CSMD1: variants seen among roughly 807,000 people sequenced by gnomAD.
The protein encoded by CSMD1 is CUB and sushi domain-containing protein 1.
In CSMD1, 213 loss-of-function variants were observed where a neutral mutation model predicts 417.5. The observed-to-expected ratio is 0.51, with a 90% CI of 0.46 to 0.57. The LOEUF (loss-of-function observed/expected upper bound fraction) is 0.57. Among genes scored for constraint, CSMD1 ranks in the 20% least tolerant of loss-of-function variants. The probability of loss-of-function intolerance (pLI) is 0.00; values close to 1 mark genes in which losing one functional copy is unlikely to be tolerated. For missense variants in CSMD1, 6,923 were observed against 4,529.7 expected (o/e 1.53, Z -15.17); for synonymous variants, 2,862 against 1,736.8 (o/e 1.65, Z -16.11).
chr8:3,344,967 G>A (rs115320599), intron 22 of CSMD1, among the ~76,000 whole-genome samples: 1,695 of 152,220 alleles, frequency 0.011, 40 homozygotes, highest in African/African-American at 0.039. Context: ...TTTATTAGAC[G>A]AGCCGGGGTC....
intron 4 of CSMD1, among the ~76,000 whole-genome samples, chr8:4,005,762 A>G (rs1816062414): frequency 6.6e-6 from 1 of 152,282 alleles, no homozygotes; most frequent in Admixed American, 6.5e-5. Context: ...GTATACAAGC[A>G]AACATTAACA....
chr8:3,249,771 A>G (rs1800136373), intron 26 of CSMD1, among the ~76,000 whole-genome samples: 1 of 152,052 alleles, frequency 6.6e-6, no homozygotes, highest in Non-Finnish European at 1.5e-5. Flanking sequence ...TTTAAATCTA[A>G]TCAATTTCCA....
intron 2 of CSMD1, among the ~76,000 whole-genome samples, chr8:4,632,627 A>G (rs1431007508): frequency 6.6e-6 from 1 of 152,158 alleles, no homozygotes; most frequent in African/African-American, 2.4e-5. Flanking sequence ...CTGAATGTAC[A>G]AAGATATACA....
intron 3 of CSMD1, among the ~76,000 whole-genome samples, chr8:4,313,507 GAAA>G (rs34466873): frequency 7.3e-6 from 1 of 136,798 alleles, no homozygotes; most frequent in Non-Finnish European, 1.5e-5. Context: ...ATGTCAAAAT[GAAA>G]AAAAAAAAAA....
chr8:4,439,366 T>C (rs1042998241), intron 2 of CSMD1, among the ~76,000 whole-genome samples: 1 of 152,192 alleles, frequency 6.6e-6, no homozygotes. Context: ...GAGATATTAC[T>C]ATACAACTTT....
intron 3 of CSMD1, among the ~76,000 whole-genome samples, chr8:4,174,376 G>A (rs114979761): frequency 1.3e-5 from 2 of 152,146 alleles, no homozygotes; most frequent in East Asian, 1.9e-4. Context: ...CAAGTCATTT[G>A]CGCAAGGCCT....
chr8:4,764,543 T>A (rs907982350), intron 1 of CSMD1, among the ~76,000 whole-genome samples: 1 of 152,126 alleles, frequency 6.6e-6, no homozygotes, highest in Non-Finnish European at 1.5e-5. Flanking sequence ...TCTGCCCAAA[T>A]TGGAAACCAG....
intron 10 of CSMD1, among the ~76,000 whole-genome samples, chr8:3,540,623 A>G (rs1188386565): frequency 6.6e-6 from 1 of 152,206 alleles, no homozygotes; most frequent in Non-Finnish European, 1.5e-5. Flanking sequence ...AAATTTTTGC[A>G]ATCTATCCAT....
chr8:4,794,800 G>A (rs1360325222), intron 1 of CSMD1, among the ~76,000 whole-genome samples: 2 of 152,178 alleles, frequency 1.3e-5, no homozygotes, highest in African/African-American at 4.8e-5. Context: ...AGTTTGAATA[G>A]AAGCACTCAA....
chr8:4,298,838 A>ACC, intron 3 of CSMD1, among the ~76,000 whole-genome samples: 1 of 152,184 alleles, frequency 6.6e-6, no homozygotes, highest in East Asian at 1.9e-4. Context: ...TATAATAAAA[A>ACC]ATTATTTCTG....
chr8:4,950,463 C>G (rs1052723118), intron 1 of CSMD1, among the ~76,000 whole-genome samples: 1 of 151,980 alleles, frequency 6.6e-6, no homozygotes, highest in Non-Finnish European at 1.5e-5. Context: ...AAGCAGAACA[C>G]CTGCAAAATA....
Position 3,632,527 on chromosome 8 carries a change from T to C in CSMD1, c.1010-15730A>G, listed in dbSNP as rs1016407665. ...TTGTGATGGGCGTTGAAGATGAGTA[T>C]TGGTTAGAACAAGTGGGATGTCTGG... On this transcript the variant is annotated intron_variant, in intron 7 of 69. Coordinates refer to ENST00000635120, the MANE Select transcript of CSMD1 (RefSeq NM_033225.6). Among the ~76,000 whole-genome samples the C allele has an allele frequency of 5.3e-5, 8 of 152,198 alleles. No individual in the cohort carries two copies. The South Asian group carries it at 6.2e-4, about 12-fold the overall frequency.
At chr8:4,942,572 G>A (rs149147157) in intron 1 of CSMD1, among the ~76,000 whole-genome samples, 1 of 152,122 alleles carries the variant, frequency 6.6e-6, no homozygotes, top group Non-Finnish European at 1.5e-5. Context: ...ATTTAAAAGT[G>A]TGACTTCACT....
intron 3 of CSMD1, among the ~76,000 whole-genome samples, chr8:4,292,645 A>T (rs889109776): frequency 6.6e-6 from 1 of 152,206 alleles, no homozygotes; most frequent in South Asian, 2.1e-4. Context: ...TCAGTCTTGC[A>T]TCATCAACAT....
intron 8 of CSMD1, among the ~76,000 whole-genome samples, chr8:3,593,732 T>G (rs537751218): frequency 6.6e-6 from 1 of 152,298 alleles, no homozygotes; most frequent in Admixed American, 6.5e-5. Context: ...GACTTATTAA[T>G]TCAACTTCAT....
intron 25 of CSMD1, among the ~76,000 whole-genome samples, chr8:3,294,775 G>C (rs140010142): frequency 6.6e-6 from 1 of 152,144 alleles, no homozygotes; most frequent in Non-Finnish European, 1.5e-5. Context: ...CACTTCCTGG[G>C]TGAGTTGATG....
intron 7 of CSMD1, among the ~76,000 whole-genome samples, chr8:3,660,663 G>C (rs970580143): frequency 1.3e-5 from 2 of 151,860 alleles, no homozygotes; most frequent in East Asian, 1.9e-4. Context: ...TGGGATTACA[G>C]GGTCCCTCCA....
intron 3 of CSMD1, among the ~76,000 whole-genome samples, chr8:4,032,783 T>TA (rs958317240): frequency 7.9e-5 from 12 of 152,050 alleles, no homozygotes; most frequent in African/African-American, 2.9e-4. Context: ...TTTCATTTTG[T>TA]AAAAAAATAA....
chr8:4,989,959 G>A (rs1451623153), intron 1 of CSMD1, among the ~76,000 whole-genome samples: 1 of 152,202 alleles, frequency 6.6e-6, no homozygotes, highest in Admixed American at 6.5e-5. Flanking sequence ...GCTTTCGCCT[G>A]TAGAAGCTTC....
Sources: allele counts gnomAD v4.1 joint callset (sites outside exome capture counted in the v4.1 genomes callset), GRCh38; gene constraint gnomAD v4.1.1; transcripts MANE v1.5; gene names NCBI Gene and HGNC (gene_info 2026-07-23, HGNC 2026-07-21).